Variants in ATP11A observed in about 807,000 individuals in gnomAD.
ATP11A encodes phospholipid-transporting ATPase IH.
In ATP11A, 81 loss-of-function variants were observed where a neutral mutation model predicts 154.4. The ratio of observed to expected loss-of-function variants is 0.52; its 90% CI spans 0.44 to 0.63. The LOEUF is 0.63. Among genes scored for constraint, ATP11A ranks in the 30% least tolerant of loss-of-function variants. The pLI is 0.00. For synonymous variants in ATP11A, 623 were observed against 585.9 expected (o/e 1.06, Z -0.91); for missense variants, 1,316 against 1,474.3 (o/e 0.89, Z 1.76).
intron 6 of ATP11A, among the ~76,000 whole-genome samples, chr13:112,816,704 C>T (rs1255773244): frequency 6.6e-6 from 1 of 152,152 alleles, no homozygotes; most frequent in African/African-American, 2.4e-5. Context: ...AATAATGCTA[C>T]CTTGTGTTTT....
intron 14 of ATP11A, among the ~76,000 whole-genome samples, chr13:112,833,232 G>A (rs964484313): frequency 1.3e-5 from 2 of 152,076 alleles, no homozygotes; most frequent in African/African-American, 4.8e-5. Context: ...TCCCCGGCGC[G>A]TGAGTCTTCA....
At chr13:112,767,818 T>C (rs533921657) in intron 1 of ATP11A, among the ~76,000 whole-genome samples, 9 of 152,268 alleles carry the variant, frequency 5.9e-5, no homozygotes, top group Non-Finnish European at 1.0e-4. Context: ...GGTGGTGGGC[T>C]TGACCTGAGG....
chr13:112,877,055 A>C (rs1315084787), intron 28 of ATP11A, among the ~76,000 whole-genome samples: 1 of 152,342 alleles, frequency 6.6e-6, no homozygotes, highest in East Asian at 1.9e-4. Context: ...AATCAGAGCG[A>C]GCAAAACTCG....
chr13:112,796,536 A>T (rs966902210), intron 2 of ATP11A, among the ~76,000 whole-genome samples: 2 of 152,218 alleles, frequency 1.3e-5, no homozygotes, highest in African/African-American at 4.8e-5. Context: ...AAAAGGCAAG[A>T]AAAGTTTCTC....
chr13:112,776,952 C>G (rs2077363750), intron 1 of ATP11A, among the ~76,000 whole-genome samples: 3 of 152,164 alleles, frequency 2.0e-5, no homozygotes, highest in Admixed American at 1.3e-4. Context: ...AATATCTGAC[C>G]AAATGCTGTG....
At chr13:112,808,725 G>T (rs936631299) in intron 4 of ATP11A, among the ~76,000 whole-genome samples, 1 of 152,132 alleles carries the variant, frequency 6.6e-6, no homozygotes, top group Non-Finnish European at 1.5e-5. Context: ...CGCTGTCTCC[G>T]CTGGGCACTG....
At chr13:112,739,601 C>T (rs1214026768) in intron 1 of ATP11A, among the ~76,000 whole-genome samples, 2 of 152,222 alleles carry the variant, frequency 1.3e-5, no homozygotes, top group Admixed American at 1.3e-4. Context: ...CCAATATGCC[C>T]TGCAATTCCA....
At chr13:112,872,945 T>G (rs868620540) in intron 26 of ATP11A, among the ~76,000 whole-genome samples, 4 of 147,334 alleles carry the variant, frequency 2.7e-5, no homozygotes, top group Admixed American at 6.7e-5. Context: ...TTTGTCTTCC[T>G]GAGCGGTGTG....
rs2079227049 is a variant in ATP11A, at chr13:112,836,100, T to C, written c.1632-78T>C. On this transcript the variant is annotated intron_variant, in intron 15 of 29. Coordinates refer to ENST00000375645, the MANE Select transcript of ATP11A (RefSeq NM_015205.3). ...CAGGGCTGCCCCAGCCATTCTGCTG[T>C]GGAGAGCTCCACAGTTACCAGATGG... The C allele has an allele frequency of 1.2e-5, 13 of 1,085,650 alleles. No individual in the cohort carries two copies. The South Asian group carries it at 1.8e-4, about 15-fold the overall frequency. 67.3% of individuals were successfully genotyped at this position (1,085,650 alleles called of 1,614,324 possible). A position where few individuals can be genotyped will look rare whatever the true frequency, so the allele number is the denominator to read the frequency against.
chr13:112,816,944 G>A lies in ATP11A; in HGVS notation c.570+733G>A, dbSNP rs946244459. Among the ~76,000 whole-genome samples, 5 of 152,132 alleles carry A rather than the reference G, an allele frequency of 3.3e-5. No individual in the cohort carries two copies. In the East Asian group the frequency reaches 5.8e-4, roughly 18 times the overall value. Reference sequence around the variant, plus strand: ...TAGAATTATGTGAAAAGTCACACACGATTCTAGATTTTGCCTGTTACTTCA... The same window carrying A: ...TAGAATTATGTGAAAAGTCACACACAATTCTAGATTTTGCCTGTTACTTCA... On this transcript the variant is annotated intron_variant, in intron 6 of 29. Transcript: ENST00000375645.
intron 28 of ATP11A, among the ~76,000 whole-genome samples, chr13:112,876,864 G>A (rs1217394374): frequency 6.6e-6 from 1 of 152,146 alleles, no homozygotes; most frequent in East Asian, 1.9e-4. Flanking sequence ...GCTGTGCTGG[G>A]AGGGAAGACA....
intron 29 of ATP11A, 87 bp from the exon 30 acceptor site, chr13:112,881,789 T>C (rs1232433359): frequency 7.3e-7 from 1 of 1,364,176 alleles, no homozygotes; most frequent in African/African-American, 1.5e-5. Context: ...TCCCTGAGAC[T>C]GACCATGTGT....
At chr13:112,734,340 T>C (rs1245287370) in intron 1 of ATP11A, among the ~76,000 whole-genome samples, 1 of 152,138 alleles carries the variant, frequency 6.6e-6, no homozygotes, top group Non-Finnish European at 1.5e-5. Context: ...TCCTGCAACT[T>C]GGTTAAGAAA....
Position 112,771,326 on chromosome 13 carries a change from C to T in ATP11A, c.40-13809C>T, listed in dbSNP as rs532749346. Among the ~76,000 whole-genome samples the T allele has an allele frequency of 3.3e-5, 5 of 152,272 alleles. No homozygotes were observed. The South Asian group carries it at 6.2e-4, about 19-fold the overall frequency. On this transcript the variant is annotated intron_variant, in intron 1 of 29. Transcript: ENST00000375645. Reference sequence around the variant, plus strand: ...GGGCAACGAGGGGAGGCAAGGCGTGCGCCAGGCAGAGACACCTTGGAATCC... The same window carrying T: ...GGGCAACGAGGGGAGGCAAGGCGTGTGCCAGGCAGAGACACCTTGGAATCC...
Position 112,754,519 on chromosome 13 carries a change from T to C in ATP11A, c.40-30616T>C, listed in dbSNP as rs550677975. On this transcript the variant is annotated intron_variant, in intron 1 of 29. Coordinates refer to ENST00000375645, the MANE Select transcript of ATP11A (RefSeq NM_015205.3). This position sits in a 1 kb window ranked among gnomAD's most constrained non-coding sequence, Gnocchi z 5.3. ...CTGCCAAAGCTGCATGCTTGGAAAG[T>C]GGTGCTTAGAGCCAGGCAGGACTCA... The C allele has an allele frequency of 7.1e-4, 105 of 147,780 alleles. No homozygotes were observed. The highest frequency in any genetic ancestry group is 1.8e-3 in the South Asian group (9 of 5,088). 9.2% of individuals were successfully genotyped at this position (147,780 alleles called of 1,614,324 possible).
chr13:112,751,683 A>AAAACAAAACAAAAC (rs1566425991), intron 1 of ATP11A, among the ~76,000 whole-genome samples: 1 of 150,888 alleles, frequency 6.6e-6, no homozygotes, highest in Non-Finnish European at 1.5e-5. Context: ...CAAAACAAAA[A>AAAACAAAACAAAAC]AAAAAACAGA....
intron 1 of ATP11A, among the ~76,000 whole-genome samples, chr13:112,742,001 T>TCC (rs373344246): frequency 6.0e-5 from 9 of 150,364 alleles, no homozygotes; most frequent in African/African-American, 2.0e-4. Context: ...AGAAGAGTGG[T>TCC]CCCCCTCCCC....
intron 2 of ATP11A, among the ~76,000 whole-genome samples, chr13:112,787,158 G>A (rs1566480539): frequency 7.0e-6 from 1 of 142,536 alleles, no homozygotes; most frequent in African/African-American, 2.9e-5. Flanking sequence ...TTCACACCGG[G>A]TGTCCTGATG....
In ATP11A at chr13:112,768,184, G is replaced by A. The variant is rs182244830; in HGVS notation, c.40-16951G>A. The stretch of plus-strand genomic sequence containing the variant: ...GGCCTCCCAAGATTGCGTGGAGCCC[G>A]GCCACTGCCAGGGCGGCCCTGTGAT... On this transcript the variant is annotated intron_variant, in intron 1 of 29. Transcript: ENST00000375645. Among the ~76,000 whole-genome samples, 845 of 152,350 alleles carry A rather than the reference G, an allele frequency of 5.5e-3. 5 individuals carry two copies. Among genetic ancestry groups the A allele is most frequent in the Non-Finnish European group, 8.9e-3 (607 of 68,032 alleles).
Sources: gnomAD v4.1 joint callset for allele counts (sites outside exome capture counted in the v4.1 genomes callset) on GRCh38, gnomAD v4.1.1 for gene constraint, Gnocchi (gnomAD v3.1) non-coding constraint, MANE v1.5 for transcripts, NCBI Gene and HGNC (gene_info 2026-07-23, HGNC 2026-07-21) for gene names.